IMMP2L: variants seen among roughly 807,000 people sequenced by gnomAD.
IMMP2L encodes inner mitochondrial membrane peptidase subunit 2.
Under a neutral mutation model 19.3 loss-of-function variants are expected in IMMP2L, and 18 were observed. That is an observed-to-expected ratio of 0.93 (90% CI 0.64 to 1.38). IMMP2L has a LOEUF of 1.38. IMMP2L is among the 40% of genes most tolerant of loss of function. The pLI is 0.00. For missense variants in IMMP2L, 233 were observed against 218.2 expected (o/e 1.07, Z -0.43); for synonymous variants, 76 against 73.0 (o/e 1.04, Z -0.21).
At chr7:111,527,547 T>TCAG (rs1313573413) in intron 1 of IMMP2L, among the ~76,000 whole-genome samples, 1 of 152,064 alleles carries the variant, frequency 6.6e-6, no homozygotes, top group Non-Finnish European at 1.5e-5. Context: ...AACACTGAGA[T>TCAG]CACTATTGAC....
intron 3 of IMMP2L, among the ~76,000 whole-genome samples, chr7:111,394,647 A>G (rs551292845): frequency 3.8e-4 from 58 of 152,284 alleles, no homozygotes; most frequent in Admixed American, 3.4e-3. Context: ...GTAAATAAAT[A>G]AAGTAATAAA....
At chr7:111,052,954 C>T (rs562778235) in intron 3 of IMMP2L, among the ~76,000 whole-genome samples, 14 of 152,272 alleles carry the variant, frequency 9.2e-5, no homozygotes, top group African/African-American at 3.4e-4. Context: ...AAAAATTCAG[C>T]ATCAGATAAG....
chr7:110,975,426 CAA>C (rs1428807176), intron 3 of IMMP2L, among the ~76,000 whole-genome samples: 1 of 152,076 alleles, frequency 6.6e-6, no homozygotes, highest in African/African-American at 2.4e-5. Flanking sequence ...TGCCTGTTAA[CAA>C]AGAGACTCAA....
At chr7:111,265,802 G>A (rs1817770661) in intron 3 of IMMP2L, among the ~76,000 whole-genome samples, 2 of 152,134 alleles carry the variant, frequency 1.3e-5, no homozygotes. Context: ...GAAAGAAAGA[G>A]AAAGAAAACA....
At chr7:111,502,959 A>G (rs1367750970) in intron 2 of IMMP2L, among the ~76,000 whole-genome samples, 1 of 150,102 alleles carries the variant, frequency 6.7e-6, no homozygotes, top group African/African-American at 2.4e-5. Context: ...AAGGCAAGAA[A>G]TAACTAAAAT....
chr7:110,918,999 T>A (rs1411291648), intron 4 of IMMP2L, among the ~76,000 whole-genome samples: 1 of 152,114 alleles, frequency 6.6e-6, no homozygotes, highest in East Asian at 1.9e-4. Context: ...TTGAGTAGAT[T>A]AGAGTGAACA....
chr7:110,995,189 C>A (rs1275420816), intron 3 of IMMP2L, among the ~76,000 whole-genome samples: 1 of 151,952 alleles, frequency 6.6e-6, no homozygotes, highest in Non-Finnish European at 1.5e-5. Flanking sequence ...TGCAGACTGG[C>A]ATGAAGTAAG....
At chr7:110,861,782 C>T (rs1807456057) in intron 5 of IMMP2L, among the ~76,000 whole-genome samples, 1 of 151,984 alleles carries the variant, frequency 6.6e-6, no homozygotes, top group African/African-American at 2.4e-5. Flanking sequence ...CATTTATCAA[C>T]TAATTCTGAA....
chr7:111,380,261 C>T (rs1292532275), intron 3 of IMMP2L, among the ~76,000 whole-genome samples: 1 of 151,836 alleles, frequency 6.6e-6, no homozygotes, highest in Non-Finnish European at 1.5e-5. Flanking sequence ...CCTCTATATT[C>T]AAAGTTAGAT....
rs553022635 is a variant in IMMP2L at position 111,382,644 on chromosome 7, G to A, written c.239+104594C>T. ...AAAGCTCAGAAAAGCAATCAGTACA[G>A]AAAAGCTGATTAAAGGGGCAAGAAA... On this transcript the variant is annotated intron_variant, in intron 3 of 5. Coordinates refer to ENST00000405709, the MANE Select transcript of IMMP2L (RefSeq NM_032549.4). 2.0e-5 allele frequency among the ~76,000 whole-genome samples: 3 copies of A among 152,198 alleles called. No homozygotes were observed. In the South Asian group the frequency reaches 6.2e-4, roughly 32 times the overall value.
rs148685212 is a variant in IMMP2L at position 110,674,975 on chromosome 7, A to G, written c.409-11254T>C. Among the ~76,000 whole-genome samples the G allele has an allele frequency of 1.2e-4, 19 of 152,266 alleles. No homozygotes were observed. The East Asian group carries it at 3.3e-3, about 26-fold the overall frequency. On this transcript the variant is annotated intron_variant, in intron 5 of 5. Transcript: ENST00000405709. Reference sequence around the variant, plus strand: ...CACGGAGTCCCTCCCAGCCAGTCCAATTCATATCCATTTGTTCCTGACCAA... The same window carrying G: ...CACGGAGTCCCTCCCAGCCAGTCCAGTTCATATCCATTTGTTCCTGACCAA...
intron 5 of IMMP2L, among the ~76,000 whole-genome samples, chr7:110,849,811 T>C (rs1201345867): frequency 1.3e-5 from 2 of 152,108 alleles, no homozygotes; most frequent in Admixed American, 6.6e-5. Context: ...ATCTGCTTTA[T>C]GGTAGTTATC....
chr7:110,830,933 A>AG (rs1803920185), intron 5 of IMMP2L, among the ~76,000 whole-genome samples: 1 of 152,274 alleles, frequency 6.6e-6, no homozygotes, highest in African/African-American at 2.4e-5. Flanking sequence ...GAACAACTCA[A>AG]GTCTATTACC....
chr7:111,121,043 G>C (rs1347218509), intron 3 of IMMP2L, among the ~76,000 whole-genome samples: 2 of 151,818 alleles, frequency 1.3e-5, no homozygotes, highest in African/African-American at 4.8e-5. Context: ...AAATTACAAG[G>C]TATAAACAAG....
chr7:111,443,811 T>C (rs7797636), intron 3 of IMMP2L, among the ~76,000 whole-genome samples: 1,614 of 152,266 alleles, frequency 0.011, 36 homozygotes, highest in African/African-American at 0.036. Context: ...TTCAATTTTT[T>C]TTCTCTACAG....
intron 3 of IMMP2L, among the ~76,000 whole-genome samples, chr7:111,046,439 A>C (rs887232528): frequency 2.0e-5 from 3 of 152,164 alleles, no homozygotes; most frequent in African/African-American, 7.2e-5. Flanking sequence ...ATAATGAAAA[A>C]GAAGTTTCCA....
At chr7:111,498,582 A>G (rs1265303877) in intron 2 of IMMP2L, among the ~76,000 whole-genome samples, 1 of 152,146 alleles carries the variant, frequency 6.6e-6, no homozygotes, top group Non-Finnish European at 1.5e-5. Flanking sequence ...TGATTCAACA[A>G]ATAACAAAGA....
rs556128460 is a variant in IMMP2L, at chr7:110,830,590, T to C, written c.408+56003A>G. On this transcript the variant is annotated intron_variant, in intron 5 of 5. Transcript: ENST00000405709. ...TCTTGTACTGCAAACAAAAAAAACA[T>C]CAAAATATTTCAATTTTAAAAATGC... 1.1e-4 allele frequency among the ~76,000 whole-genome samples: 17 copies of C among 152,180 alleles called. No individual in the cohort carries two copies. In the South Asian group the frequency reaches 3.3e-3, roughly 30 times the overall value.
intron 3 of IMMP2L, among the ~76,000 whole-genome samples, chr7:111,035,992 T>G (rs141231417): frequency 2.0e-5 from 3 of 152,320 alleles, no homozygotes; most frequent in Non-Finnish European, 4.4e-5. Context: ...GATGAGCTAA[T>G]GAATGCAATG....
Sources: allele counts gnomAD v4.1 joint callset (sites outside exome capture counted in the v4.1 genomes callset), GRCh38; gene constraint gnomAD v4.1.1; transcripts MANE v1.5; gene names NCBI Gene and HGNC (gene_info 2026-07-23, HGNC 2026-07-21).